ZNF804A: variants seen among roughly 807,000 people sequenced by gnomAD.
ZNF804A encodes the protein zinc finger protein 804A.
A neutral mutation model predicts 16.5 loss-of-function variants in ZNF804A; 2 were observed. The observed-to-expected ratio is 0.12, with a 90% CI of 0.05 to 0.38. ZNF804A has a LOEUF of 0.38. Among genes scored for constraint, ZNF804A ranks in the 10% least tolerant of loss-of-function variants. ZNF804A has a pLI of 0.99. For missense variants in ZNF804A, 1,473 were observed against 1,390.7 expected, an observed-to-expected ratio of 1.06 and a Z score of -0.94; for synonymous variants, 534 against 489.6, an observed-to-expected ratio of 1.09 and a Z score of -1.20.
intron 1 of ZNF804A, among the ~76,000 whole-genome samples, chr2:184,853,149 A>G (rs1695631893): frequency 6.6e-6 from 1 of 151,764 alleles, no homozygotes; most frequent in South Asian, 2.1e-4. Flanking sequence ...CAGGTTATTC[A>G]CATCCTTGGT....
intron 1 of ZNF804A, among the ~76,000 whole-genome samples, chr2:184,629,198 C>T (rs1691562925): frequency 6.6e-6 from 1 of 151,958 alleles, no homozygotes; most frequent in Admixed American, 6.6e-5. Flanking sequence ...TGTTGAAAAC[C>T]TCTTTTTAAC....
intron 1 of ZNF804A, among the ~76,000 whole-genome samples, chr2:184,672,255 GT>G (rs1410811744): frequency 6.6e-6 from 1 of 152,132 alleles, no homozygotes; most frequent in African/African-American, 2.4e-5. Context: ...GGTCCTAACA[GT>G]TTCAGAAGTT....
At chr2:184,679,039 A>G (rs1319071705) in intron 1 of ZNF804A, among the ~76,000 whole-genome samples, 1 of 152,246 alleles carries the variant, frequency 6.6e-6, no homozygotes, top group Non-Finnish European at 1.5e-5. Context: ...AAAAAATAAA[A>G]GAAACATGTC....
At position 184,621,215 on chromosome 2, in the gene ZNF804A, C is replaced by CT. The variant is rs550914971; in HGVS notation, c.111+22152dup. 2.6e-5 allele frequency among the ~76,000 whole-genome samples: 4 copies of CT among 151,474 alleles called. No individual in the cohort carries two copies. The East Asian group carries it at 5.8e-4, about 22-fold the overall frequency. On this transcript the variant is annotated intron_variant, in intron 1 of 3. Coordinates refer to ENST00000302277, the MANE Select transcript of ZNF804A (RefSeq NM_194250.2). ...ATAACTTTCCAGATGAAATATATTT[C>CT]TTTTTTTAACAACACTGGTAGATAA...
chr2:184,678,407 T>A (rs1559124210), intron 1 of ZNF804A, among the ~76,000 whole-genome samples: 1 of 152,120 alleles, frequency 6.6e-6, no homozygotes, highest in Admixed American at 6.5e-5. Flanking sequence ...TATTTTTATA[T>A]CAAGTCTATT....
chr2:184,886,371 A>G (rs1010978009), intron 2 of ZNF804A, among the ~76,000 whole-genome samples: 1 of 152,154 alleles, frequency 6.6e-6, no homozygotes, highest in Non-Finnish European at 1.5e-5. Flanking sequence ...ACAGGCTGGC[A>G]TTGGAGTGTC....
At chr2:184,757,213 A>G (rs1693972456) in intron 1 of ZNF804A, among the ~76,000 whole-genome samples, 1 of 152,034 alleles carries the variant, frequency 6.6e-6, no homozygotes, top group Admixed American at 6.6e-5. Flanking sequence ...AGATCAAGGA[A>G]GTGATCTTCA....
chr2:184,933,215 G>T (rs914702566), intron 2 of ZNF804A, among the ~76,000 whole-genome samples: 6 of 151,346 alleles, frequency 4.0e-5, no homozygotes, highest in Non-Finnish European at 8.8e-5. Flanking sequence ...CAAAATATAA[G>T]AAAACATATT....
intron 1 of ZNF804A, among the ~76,000 whole-genome samples, chr2:184,697,813 A>G (rs1240388212): frequency 6.6e-6 from 1 of 152,080 alleles, no homozygotes; most frequent in Non-Finnish European, 1.5e-5. Flanking sequence ...AATCTAGAAG[A>G]GGGCTTCAAG....
intron 1 of ZNF804A, among the ~76,000 whole-genome samples, chr2:184,842,268 G>T (rs1386012100): frequency 1.3e-5 from 2 of 152,092 alleles, no homozygotes; most frequent in Non-Finnish European, 2.9e-5. Context: ...AACCACAGGG[G>T]CAGAGCCTGC....
Position 184,937,897 on chromosome 2 carries a change from A to G in ZNF804A, c.2501A>G (p.Tyr834Cys), listed in dbSNP as rs773268717. ...ETLELKENTD[Y>C]PVKDNSSLNP... ...TTAGAACTCAAAGAAAATACAGATTATCCCGTGAAAGACAATTCTTCCTTA... is the reference window on the plus strand; with the variant it reads ...TTAGAACTCAAAGAAAATACAGATTGTCCCGTGAAAGACAATTCTTCCTTA... The change falls in exon 4 of 4, where the codon TAT becomes TGT. Residue 834 changes from tyrosine to cysteine, a missense_variant. Physicochemically the swap from Tyr to Cys is radical, Grantham distance 194. Coordinates refer to ENST00000302277, the MANE Select transcript of ZNF804A (RefSeq NM_194250.2). 1.9e-6 allele frequency: 3 copies of G among 1,614,150 alleles called. No individual in the cohort carries two copies.
chr2:184,631,807 T>C (rs140297673), intron 1 of ZNF804A, among the ~76,000 whole-genome samples: 2 of 152,316 alleles, frequency 1.3e-5, no homozygotes, highest in East Asian at 1.9e-4. Context: ...AAAAAGCTTA[T>C]TGTCTGCATT....
At chr2:184,643,416 A>G (rs1390477455) in intron 1 of ZNF804A, among the ~76,000 whole-genome samples, 1 of 151,996 alleles carries the variant, frequency 6.6e-6, no homozygotes, top group Non-Finnish European at 1.5e-5. Flanking sequence ...TGTACAATAT[A>G]CTTGATAAAT....
In ZNF804A at chr2:184,936,596, C is replaced by T. The variant is rs1386769178; in HGVS notation, c.1200C>T (p.Ala400=). ...ATAAAAATGGTCCCGAGACATTGGCCCCTTCAAATACTGAAGAGGTTAACA... is the reference window on the plus strand; with the variant it reads ...ATAAAAATGGTCCCGAGACATTGGCTCCTTCAAATACTGAAGAGGTTAACA... ...VENKNGPETL[A]PSNTEEVNIT... Residue 400 remains alanine (A), a synonymous_variant, in exon 4 of 4, where the codon GCC becomes GCT. Transcript: ENST00000302277. 3 of 1,613,946 alleles carry T rather than the reference C, an allele frequency of 1.9e-6. No homozygotes were observed. Among genetic ancestry groups the T allele is most frequent in the Non-Finnish European group, 8.5e-7 (1 of 1,179,928 alleles).
chr2:184,651,040 A>G (rs1691974972), intron 1 of ZNF804A, among the ~76,000 whole-genome samples: 2 of 152,152 alleles, frequency 1.3e-5, no homozygotes, highest in Non-Finnish European at 2.9e-5. Context: ...ACTTCAAATT[A>G]TACTATAAGG....
intron 1 of ZNF804A, among the ~76,000 whole-genome samples, chr2:184,642,568 A>G (rs549955873): frequency 6.6e-6 from 1 of 152,296 alleles, no homozygotes; most frequent in African/African-American, 2.4e-5. Flanking sequence ...GTAAGATAGT[A>G]TACTACTTTC....
chr2:184,789,935 T>C (rs1694507889), intron 1 of ZNF804A, among the ~76,000 whole-genome samples: 1 of 152,028 alleles, frequency 6.6e-6, no homozygotes, highest in African/African-American at 2.4e-5. Context: ...AATTTGAGAT[T>C]TTTCTATCTT....
At chr2:184,870,114 C>G (rs1485848368) in intron 2 of ZNF804A, among the ~76,000 whole-genome samples, 1 of 151,824 alleles carries the variant, frequency 6.6e-6, no homozygotes, top group Non-Finnish European at 1.5e-5. Context: ...GTGTCTTGCA[C>G]AATTTAGACA....
rs143245512 is a variant in ZNF804A, at chr2:184,785,994, G to T, written c.112-80375G>T. On this transcript the variant is annotated intron_variant, in intron 1 of 3. Coordinates refer to ENST00000302277, the MANE Select transcript of ZNF804A (RefSeq NM_194250.2). ...CGTTGGGATGTAGCTGAGGTGAGAG[G>T]TAGATCTAGCTGAAGTCAGAGGTGT... Among the ~76,000 whole-genome samples the T allele has an allele frequency of 5.0e-3, 754 of 152,058 alleles. 20 individuals are homozygous for T. Among genetic ancestry groups the T allele is most frequent in the East Asian group, 0.02 (105 of 5,150 alleles).
Sources: gnomAD v4.1 joint callset for allele counts (sites outside exome capture counted in the v4.1 genomes callset) on GRCh38, gnomAD v4.1.1 for gene constraint, MANE v1.5 for transcripts, NCBI Gene and HGNC (gene_info 2026-07-23, HGNC 2026-07-21) for gene names.